The following RPGRIP1L variants were observed in gnomAD, a reference collection of about 807,000 sequenced individuals.
RPGRIP1L encodes the protein RPGRIP1 like.
RPGRIP1L carries 131 observed loss-of-function variants against 160.4 expected under a neutral mutation model. That is an observed-to-expected ratio of 0.82 (90% CI 0.71 to 0.94). RPGRIP1L has a LOEUF of 0.94. Among genes scored for constraint, RPGRIP1L ranks in the 40% least tolerant of loss-of-function variants. The probability of loss-of-function intolerance (pLI) is 0.00; values close to 1 mark genes in which losing one functional copy is unlikely to be tolerated. For missense variants in RPGRIP1L, 1,522 were observed against 1,535.8 expected (o/e 0.99, Z 0.15); for synonymous variants, 510 against 515.8 (o/e 0.99, Z 0.15).
At chr16:53,612,347 C>T (rs1316764366) in intron 24 of RPGRIP1L, among the ~76,000 whole-genome samples, 1 of 152,098 alleles carries the variant, frequency 6.6e-6, no homozygotes, top group Non-Finnish European at 1.5e-5. Flanking sequence ...TTATAGAAAT[C>T]AATACAGATT....
chr16:53,650,176 A>T (rs764984539), intron 15 of RPGRIP1L, among the ~76,000 whole-genome samples: 2 of 152,126 alleles, frequency 1.3e-5, no homozygotes, highest in Non-Finnish European at 2.9e-5. Context: ...TGATGAGGCC[A>T]CGAGGGATCC....
At chr16:53,650,035 G>A (rs1966838990) in intron 15 of RPGRIP1L, among the ~76,000 whole-genome samples, 1 of 152,058 alleles carries the variant, frequency 6.6e-6, no homozygotes, top group Admixed American at 6.6e-5. Context: ...CCTGCTAATG[G>A]ATCATTCTCA....
chr16:53,602,776 A>G (rs74375813), intron 26 of RPGRIP1L, among the ~76,000 whole-genome samples: 2 of 47,454 alleles, frequency 4.2e-5, no homozygotes, highest in Non-Finnish European at 6.5e-5. Flanking sequence ...CTCCTCAAAG[A>G]AAAAAAAAAA....
chr16:53,696,130 C>G, intron 3 of RPGRIP1L, 21 bp downstream of exon 3: 1 of 1,612,084 alleles, frequency 6.2e-7, no homozygotes. Context: ...AGAAAAAAAG[C>G]TAAAAGCTTT....
rs1218707101 is a variant in RPGRIP1L at position 53,680,323 on chromosome 16, G to A, written c.777-5201C>T. On this transcript the variant is annotated intron_variant, in intron 6 of 26. Transcript: ENST00000647211. ...CTCCCCTGTGTAACAAGGTCTGCAT[G>A]GCTATCCCTGGTCCCAGTTACCCCT... is the stretch of plus-strand genomic sequence containing the variant. 2.0e-5 allele frequency among the ~76,000 whole-genome samples: 3 copies of A among 152,036 alleles called. No homozygotes were observed. The East Asian group carries it at 5.8e-4, about 29-fold the overall frequency.
intron 17 of RPGRIP1L, among the ~76,000 whole-genome samples, chr16:53,645,138 C>A (rs1966459024): frequency 6.6e-6 from 1 of 151,984 alleles, no homozygotes; most frequent in South Asian, 2.1e-4. Flanking sequence ...TAAAGAATAT[C>A]AAAAATGCAA....
At chr16:53,653,467 G>T (rs8056869) in intron 14 of RPGRIP1L, 69,455 of 414,964 alleles carry the variant, frequency 0.17, 8,097 homozygotes, top group East Asian at 0.44. Flanking sequence ...GTTATATACA[G>T]AGGCCAACCA....
At chr16:53,670,743 G>A (rs1968644691) in intron 9 of RPGRIP1L, among the ~76,000 whole-genome samples, 1 of 152,056 alleles carries the variant, frequency 6.6e-6, no homozygotes, top group Admixed American at 6.6e-5. Flanking sequence ...TAATAAGCTG[G>A]GGAGTCTAAG....
chr16:53,652,080 T>C (rs188718032), intron 15 of RPGRIP1L, among the ~76,000 whole-genome samples: 6 of 151,420 alleles, frequency 4.0e-5, no homozygotes, highest in Admixed American at 3.3e-4. Context: ...TCAATGACAT[T>C]TTTTTTTTGA....
At chr16:53,642,737 C>A (rs373722997) in intron 17 of RPGRIP1L, among the ~76,000 whole-genome samples, 123 of 152,288 alleles carry the variant, frequency 8.1e-4, no homozygotes, top group African/African-American at 2.9e-3. Context: ...CTTTCTCCCC[C>A]ACTCCCATTT....
chr16:53,700,013 T>C (rs1971261209), intron 2 of RPGRIP1L, among the ~76,000 whole-genome samples: 1 of 152,218 alleles, frequency 6.6e-6, no homozygotes, highest in Non-Finnish European at 1.5e-5. Flanking sequence ...ACGTTTTCTA[T>C]GAGCTGTTGA....
At position 53,641,040 on chromosome 16, in the gene RPGRIP1L, T is replaced by C. The variant is rs1443460820; in HGVS notation, c.2951A>G (p.Gln984Arg). 6.2e-7 allele frequency: 1 copy of C among 1,609,652 alleles called. No individual in the cohort carries two copies. Among genetic ancestry groups the C allele is most frequent in the Non-Finnish European group, 8.5e-7 (1 of 1,176,010 alleles). The change falls in exon 19 of 27, where the codon CAG becomes CGG. Residue 984 changes from glutamine to arginine, a missense_variant. Transcript: ENST00000647211. ...TCAGTGTCTACTACTTACATCACTC[T>C]GATGTGGCATGATATCCACGAAAGA... ...KVSFVDIMPHQSDETSPPPED... is the reference protein window; with the variant it reads ...KVSFVDIMPHRSDETSPPPED...
intron 2 of RPGRIP1L, among the ~76,000 whole-genome samples, chr16:53,697,708 G>T (rs1970900774): frequency 6.6e-6 from 1 of 151,994 alleles, no homozygotes; most frequent in Non-Finnish European, 1.5e-5. Context: ...ATCTCGGCTC[G>T]CTACAACCTC....
chr16:53,607,895 A>T, intron 25 of RPGRIP1L: 1 of 597,578 alleles, frequency 1.7e-6, no homozygotes, highest in Non-Finnish European at 2.1e-6. Flanking sequence ...TAACGAAAAG[A>T]CACACACACA....
chr16:53,662,028 A>G (rs1220074491), intron 10 of RPGRIP1L, among the ~76,000 whole-genome samples: 1 of 152,186 alleles, frequency 6.6e-6, no homozygotes, highest in Non-Finnish European at 1.5e-5. Flanking sequence ...GAATTATAAT[A>G]GGCAAAATCA....
chr16:53,695,523 T>G (rs1192597624), intron 3 of RPGRIP1L: 5 of 660,644 alleles, frequency 7.6e-6, no homozygotes, highest in Non-Finnish European at 1.4e-5. Flanking sequence ...TTGTTTTTAA[T>G]GCCTTCCCCT....
intron 20 of RPGRIP1L, 70 bp downstream of exon 20, chr16:53,638,240 A>G (rs1965964765): frequency 2.1e-6 from 2 of 960,794 alleles, no homozygotes; most frequent in Admixed American, 3.5e-5. Flanking sequence ...GAGTCATGTC[A>G]AAACTTATAA....
chr16:53,625,229 T>C (rs1965018990), intron 22 of RPGRIP1L, among the ~76,000 whole-genome samples: 1 of 151,336 alleles, frequency 6.6e-6, no homozygotes, highest in Non-Finnish European at 1.5e-5. Context: ...CCACCCATTG[T>C]CTGGGAAGTG....
intron 22 of RPGRIP1L, among the ~76,000 whole-genome samples, chr16:53,627,389 T>C (rs1266332246): frequency 6.6e-6 from 1 of 152,226 alleles, no homozygotes; most frequent in Non-Finnish European, 1.5e-5. Flanking sequence ...ATTTCAAACA[T>C]GATAAAGTAC....
Sources: gnomAD v4.1 joint callset for allele counts (sites outside exome capture counted in the v4.1 genomes callset) on GRCh38, gnomAD v4.1.1 for gene constraint, MANE v1.5 for transcripts, NCBI Gene and HGNC (gene_info 2026-07-23, HGNC 2026-07-21) for gene names.